Variants in PLEKHA5 observed in about 807,000 individuals in gnomAD.
PLEKHA5 encodes the protein pleckstrin homology domain-containing family A member 5.
A neutral mutation model predicts 181.9 loss-of-function variants in PLEKHA5; 55 were observed. The observed-to-expected ratio is 0.30, with a 90% CI of 0.24 to 0.38. The LOEUF is 0.38. Among genes scored for constraint, PLEKHA5 ranks in the 10% least tolerant of loss-of-function variants. The pLI is 1.00. For missense variants in PLEKHA5, 1,432 were observed against 1,549.5 expected, an observed-to-expected ratio of 0.92 and a Z score of 1.27; for synonymous variants, 535 against 529.4, an observed-to-expected ratio of 1.01 and a Z score of -0.15.
intron 3 of PLEKHA5, among the ~76,000 whole-genome samples, chr12:19,249,834 A>G (rs1391715141): frequency 1.3e-5 from 2 of 152,182 alleles, no homozygotes; most frequent in East Asian, 3.9e-4. Context: ...GTTTTCTGCT[A>G]CCTCTGTTGT....
At chr12:19,218,931 C>CTTTTTTTTTTTTTTTTTTTTTTTT (rs67123665) in intron 3 of PLEKHA5, among the ~76,000 whole-genome samples, 1 of 140,192 alleles carries the variant, frequency 7.1e-6, no homozygotes, top group Non-Finnish European at 1.5e-5. Context: ...TTTTAATTTT[C>CTTTTTTTTTTTTTTTTTTTTTTTT]TTTTTTTTTT....
intron 3 of PLEKHA5, among the ~76,000 whole-genome samples, chr12:19,247,711 A>G (rs368600378): frequency 1.3e-4 from 20 of 151,870 alleles, no homozygotes; most frequent in East Asian, 7.7e-4. Flanking sequence ...AGCCCAAGCA[A>G]TCTGTGTTGC....
intron 29 of PLEKHA5, among the ~76,000 whole-genome samples, chr12:19,362,278 A>C (rs1401980211): frequency 1.3e-5 from 2 of 151,946 alleles, no homozygotes; most frequent in African/African-American, 4.8e-5. Flanking sequence ...TTATGCCTGT[A>C]ATCCCAGCAC....
intron 15 of PLEKHA5, among the ~76,000 whole-genome samples, chr12:19,314,540 T>G (rs899984393): frequency 2.6e-5 from 4 of 152,172 alleles, no homozygotes; most frequent in Non-Finnish European, 5.9e-5. Context: ...TGTAGAAATA[T>G]TCATTAATTG....
chr12:19,239,996 A>G (rs1379297333), intron 3 of PLEKHA5, among the ~76,000 whole-genome samples: 1 of 152,276 alleles, frequency 6.6e-6, no homozygotes, highest in East Asian at 1.9e-4. Context: ...GCTACAAGAT[A>G]GCTATTTTGA....
At chr12:19,322,223 T>A (rs2153045690) in intron 18 of PLEKHA5, 87 bp from the exon 19 acceptor site, 1 of 763,552 alleles carries the variant, frequency 1.3e-6, no homozygotes, top group African/African-American at 1.8e-5. Flanking sequence ...GATTGAAATA[T>A]AGATTTTTGG....
At chr12:19,131,673 CT>C (rs1462595893) in intron 2 of PLEKHA5, among the ~76,000 whole-genome samples, 261 of 145,316 alleles carry the variant, frequency 1.8e-3, no homozygotes, top group Middle Eastern at 3.6e-3. Context: ...TGTGATTTCA[CT>C]TTTTTTTTTT....
intron 3 of PLEKHA5, among the ~76,000 whole-genome samples, chr12:19,167,997 A>G (rs937206074): frequency 3.9e-5 from 6 of 152,128 alleles, no homozygotes; most frequent in Non-Finnish European, 5.9e-5. Flanking sequence ...TCTAGTCTGA[A>G]AGTATGATAT....
intron 20 of PLEKHA5, among the ~76,000 whole-genome samples, chr12:19,333,901 A>G (rs2093105806): frequency 6.6e-6 from 1 of 152,016 alleles, no homozygotes; most frequent in South Asian, 2.1e-4. Context: ...GAGCCACCGC[A>G]CCTGGCCTTC....
chr12:19,361,173 A>G (rs911145167), intron 28 of PLEKHA5, among the ~76,000 whole-genome samples: 2 of 151,822 alleles, frequency 1.3e-5, no homozygotes, highest in Non-Finnish European at 2.9e-5. Flanking sequence ...GTGATTGTTT[A>G]TTTATTTTTT....
In PLEKHA5 at chr12:19,272,795, C is replaced by T. The variant is rs137936914; in HGVS notation, c.846-1721C>T. On this transcript the variant is annotated intron_variant, in intron 10 of 31. Coordinates refer to ENST00000429027, the MANE Select transcript of PLEKHA5 (RefSeq NM_001256470.2). ...AATAATAATAGCTTTAGATAGACTA[C>T]AGTAAATATGTTTTAAAAATCTTTT... Among the ~76,000 whole-genome samples the T allele has an allele frequency of 1.8e-3, 272 of 152,234 alleles. 1 individual carries two copies. The highest frequency in any genetic ancestry group is 6.2e-3 in the African/African-American group (259 of 41,558).
At chr12:19,162,037 C>A (rs1343411176) in intron 3 of PLEKHA5, among the ~76,000 whole-genome samples, 1 of 152,218 alleles carries the variant, frequency 6.6e-6, no homozygotes, top group East Asian at 1.9e-4. Flanking sequence ...ACTGCTAATA[C>A]AAGTGTGGCT....
intron 3 of PLEKHA5, among the ~76,000 whole-genome samples, chr12:19,235,705 T>C (rs1399914847): frequency 6.6e-6 from 1 of 152,178 alleles, no homozygotes; most frequent in Non-Finnish European, 1.5e-5. Context: ...GCTGATGTGC[T>C]TTTGACCTTT....
chr12:19,145,608 A>G (rs906862852), intron 3 of PLEKHA5, among the ~76,000 whole-genome samples: 1 of 152,174 alleles, frequency 6.6e-6, no homozygotes, highest in Non-Finnish European at 1.5e-5. Context: ...TCGTTCTTTC[A>G]ATAACTGTAA....
intron 3 of PLEKHA5, among the ~76,000 whole-genome samples, chr12:19,194,497 T>A (rs1249587785): frequency 6.6e-6 from 1 of 152,226 alleles, no homozygotes; most frequent in Non-Finnish European, 1.5e-5. Flanking sequence ...TAGTTCTATT[T>A]CTGGTTTATT....
At position 19,322,640 on chromosome 12, in the gene PLEKHA5, G is replaced by C. The variant is rs767502622; in HGVS notation, c.2421G>C (p.Thr807=). ...ATTTACAAAATGGACTGCTTAGTAC[G>C]TGTCGAGAACTTTCTCGAGCCACTG... ...RDDLQNGLLS[T]CRELSRATAE... The change falls in exon 20 of 32, where the codon ACG becomes ACC. Residue 807 remains threonine (T), a synonymous_variant. Transcript: ENST00000429027. 1.2e-6 allele frequency: 2 copies of C among 1,611,444 alleles called. No individual in the cohort carries two copies. The highest frequency in any genetic ancestry group is 1.7e-6 in the Non-Finnish European group (2 of 1,178,684).
At chr12:19,295,661 T>TA (rs2079573055) in intron 15 of PLEKHA5, among the ~76,000 whole-genome samples, 1 of 152,214 alleles carries the variant, frequency 6.6e-6, no homozygotes, top group Non-Finnish European at 1.5e-5. Context: ...GAGCCAACTA[T>TA]AAGTCATTTG....
At chr12:19,145,239 T>C (rs2038591969) in intron 3 of PLEKHA5, among the ~76,000 whole-genome samples, 1 of 152,110 alleles carries the variant, frequency 6.6e-6, no homozygotes, top group Non-Finnish European at 1.5e-5. Context: ...AACTGTCGAT[T>C]TGACCTTTGG....
chr12:19,149,033 A>G (rs2039671760), intron 3 of PLEKHA5, among the ~76,000 whole-genome samples: 1 of 152,200 alleles, frequency 6.6e-6, no homozygotes, highest in Admixed American at 6.5e-5. Context: ...TTTACTGTAT[A>G]TAACACTTCC....
Sources: allele counts gnomAD v4.1 joint callset (sites outside exome capture counted in the v4.1 genomes callset), GRCh38; gene constraint gnomAD v4.1.1; transcripts MANE v1.5; gene names NCBI Gene and HGNC (gene_info 2026-07-23, HGNC 2026-07-21).